Variants in NLGN1 observed in about 807,000 individuals in gnomAD.
NLGN1 encodes the protein neuroligin 1.
In NLGN1, 12 loss-of-function variants were observed where a neutral mutation model predicts 65.5. That is an observed-to-expected ratio of 0.18 (90% confidence interval 0.12 to 0.30). The LOEUF (loss-of-function observed/expected upper bound fraction) is 0.30, where lower values mean the gene tolerates loss of function less well. Among genes scored for constraint, NLGN1 ranks in the 10% least tolerant of loss-of-function variants. The probability of loss-of-function intolerance (pLI) is 1.00; values close to 1 mark genes in which losing one functional copy is unlikely to be tolerated. For synonymous variants in NLGN1, 350 were observed against 359.5 expected (o/e 0.97, Z 0.30); for missense variants, 750 against 1,007.1 (o/e 0.74, Z 3.46).
intron 2 of NLGN1, among the ~76,000 whole-genome samples, chr3:173,519,107 T>C (rs1418748537): frequency 1.3e-5 from 2 of 152,196 alleles, no homozygotes; most frequent in Non-Finnish European, 2.9e-5. Context: ...TATAAGTCTT[T>C]GCAGCTTTCA....
At chr3:174,029,637 CAG>C (rs150283590) in intron 4 of NLGN1, among the ~76,000 whole-genome samples, 3,888 of 152,168 alleles carry the variant, frequency 0.026, 143 homozygotes, top group African/African-American at 0.076. Context: ...TTGGAGCAGT[CAG>C]GGGTGGAATG....
At chr3:173,569,562 A>C (rs1244829898) in intron 2 of NLGN1, among the ~76,000 whole-genome samples, 1 of 150,710 alleles carries the variant, frequency 6.6e-6, no homozygotes, top group Non-Finnish European at 1.5e-5. Flanking sequence ...TTTTTCTGAA[A>C]ATATCTGTTT....
chr3:173,822,938 A>G (rs191975199), intron 4 of NLGN1, among the ~76,000 whole-genome samples: 22 of 152,026 alleles, frequency 1.4e-4, no homozygotes, highest in African/African-American at 3.6e-4. Flanking sequence ...ATAGTTTTTA[A>G]AAACCTGCTA....
At chr3:173,620,548 A>C (rs1753829037) in intron 3 of NLGN1, among the ~76,000 whole-genome samples, 1 of 152,112 alleles carries the variant, frequency 6.6e-6, no homozygotes, top group Admixed American at 6.6e-5. Flanking sequence ...AAATTAGAGG[A>C]GAAAAAGGGG....
At chr3:173,457,585 A>G (rs887376438) in intron 2 of NLGN1, among the ~76,000 whole-genome samples, 3 of 152,144 alleles carry the variant, frequency 2.0e-5, no homozygotes. Context: ...GATCCTATCT[A>G]TATTTACAAA....
intron 3 of NLGN1, among the ~76,000 whole-genome samples, chr3:173,674,587 T>C (rs1762878085): frequency 6.6e-6 from 1 of 152,020 alleles, no homozygotes; most frequent in African/African-American, 2.4e-5. Flanking sequence ...TTTAAAGGAA[T>C]AGAAAGCTGT....
intron 4 of NLGN1, among the ~76,000 whole-genome samples, chr3:174,098,400 T>C (rs149902716): frequency 1.1e-3 from 175 of 152,314 alleles, no homozygotes; most frequent in African/African-American, 4.0e-3. Context: ...TGCATGTCTA[T>C]GTGCATTTAC....
intron 4 of NLGN1, among the ~76,000 whole-genome samples, chr3:173,994,282 T>G (rs1343124717): frequency 6.6e-6 from 1 of 151,316 alleles, no homozygotes; most frequent in Non-Finnish European, 1.5e-5. Flanking sequence ...TAATTTTGTA[T>G]TTTGGGGGGT....
chr3:173,994,465 C>CA (rs1170577220), intron 4 of NLGN1, among the ~76,000 whole-genome samples: 628 of 32,896 alleles, frequency 0.019, 39 homozygotes, highest in South Asian at 0.032. Flanking sequence ...TTGAGAAAAG[C>CA]AAAAAAAAAA....
chr3:173,595,204 T>C (rs1403939671), intron 2 of NLGN1, among the ~76,000 whole-genome samples: 4 of 152,220 alleles, frequency 2.6e-5, no homozygotes, highest in Non-Finnish European at 1.5e-5. Context: ...ACTTTTATGC[T>C]CTGCCTCCCT....
At chr3:173,435,293 C>T (rs1430088044) in intron 2 of NLGN1, among the ~76,000 whole-genome samples, 1 of 152,146 alleles carries the variant, frequency 6.6e-6, no homozygotes, top group African/African-American at 2.4e-5. Context: ...AATCCTTTAA[C>T]CATGCTTTGA....
chr3:173,834,919 C>T (rs779512137), intron 4 of NLGN1, among the ~76,000 whole-genome samples: 2 of 152,258 alleles, frequency 1.3e-5, no homozygotes, highest in East Asian at 3.9e-4. Flanking sequence ...TAAGAAGAGG[C>T]GTAATCTCTA....
intron 1 of NLGN1, among the ~76,000 whole-genome samples, chr3:173,405,956 A>G (rs756645547): frequency 1.8e-4 from 28 of 152,280 alleles, no homozygotes; most frequent in African/African-American, 3.8e-4. Flanking sequence ...TTAAGTTAGT[A>G]TGATATAAAT....
chr3:174,188,219 G>A (rs906262470), intron 4 of NLGN1, among the ~76,000 whole-genome samples: 8 of 151,968 alleles, frequency 5.3e-5, no homozygotes, highest in Admixed American at 1.3e-4. Flanking sequence ...TTCTAAAAAC[G>A]TCTTTTGGAT....
At chr3:174,082,332 T>A (rs1742402403) in intron 4 of NLGN1, among the ~76,000 whole-genome samples, 1 of 152,114 alleles carries the variant, frequency 6.6e-6, no homozygotes, top group South Asian at 2.1e-4. Context: ...CCTACTTAGA[T>A]CATTGGGCTA....
At chr3:173,906,912 C>T (rs906924354) in intron 4 of NLGN1, among the ~76,000 whole-genome samples, 27 of 150,002 alleles carry the variant, frequency 1.8e-4, no homozygotes, top group African/African-American at 4.4e-4. Context: ...GGGAAGTCCA[C>T]GTTACTGAGG....
chr3:173,899,715 A>G (rs1736980840), intron 4 of NLGN1, among the ~76,000 whole-genome samples: 1 of 152,124 alleles, frequency 6.6e-6, no homozygotes, highest in South Asian at 2.1e-4. Context: ...TCAGGCCACA[A>G]AAGCTGTGTT....
At chr3:174,287,393 C>T (rs1752248963), downstream of NLGN1, among the ~76,000 whole-genome samples, 1 of 151,372 alleles carries the variant, frequency 6.6e-6, no homozygotes, top group Middle Eastern at 3.4e-3. Flanking sequence ...TCTGTGGTCA[C>T]ATATGGCCAT....
chr3:174,142,152 G>T (rs1343734152), intron 4 of NLGN1, among the ~76,000 whole-genome samples: 1 of 152,020 alleles, frequency 6.6e-6, no homozygotes, highest in African/African-American at 2.4e-5. Flanking sequence ...CATTTTGTAT[G>T]TTTAATATAT....
Sources: gnomAD v4.1 joint callset for allele counts (sites outside exome capture counted in the v4.1 genomes callset) on GRCh38, gnomAD v4.1.1 for gene constraint, MANE v1.5 for transcripts, NCBI Gene and HGNC (gene_info 2026-07-23, HGNC 2026-07-21) for gene names.